COL15A1: variants seen among roughly 807,000 people sequenced by gnomAD.
COL15A1 encodes collagen alpha-1(XV) chain.
In COL15A1, 111 loss-of-function variants were observed where a neutral mutation model predicts 165.9. That is an observed-to-expected ratio of 0.67 (90% CI 0.57 to 0.78). COL15A1 has a LOEUF of 0.78. Ranked by LOEUF, COL15A1 falls within the 30% of genes least tolerant of loss-of-function variation. The pLI is 0.00. For synonymous variants in COL15A1, 659 were observed against 674.8 expected (o/e 0.98, Z 0.36); for missense variants, 1,745 against 1,789.7 (o/e 0.98, Z 0.45).
At chr9:99,015,634 C>A in intron 10 of COL15A1, 68 bp downstream of exon 10, 2 of 1,493,518 alleles carry the variant, frequency 1.3e-6, no homozygotes, top group South Asian at 2.3e-5. Flanking sequence ...CGACAACAGT[C>A]ATCCTTGGCC....
Position 99,047,984 on chromosome 9 carries a change from C to T in COL15A1, c.2777C>T (p.Pro926Leu). The change falls in exon 28 of 42, where the codon CCA (proline) becomes CTA (leucine). Residue 926 changes from proline (P) to leucine (L), a missense_variant. Physicochemically the swap from Pro to Leu is moderately conservative, Grantham distance 98 (BLOSUM62 -3). Coordinates refer to ENST00000375001, the MANE Select transcript of COL15A1 (RefSeq NM_001855.5). ...LNGLKGTKGD[P>L]GVIMQGPPGL... Reference sequence around the variant, plus strand: ...GGCCTCAAGGGTACCAAAGGAGATCCAGGGGTCATTATGCAGGTGAGTCAC... The same window carrying T: ...GGCCTCAAGGGTACCAAAGGAGATCTAGGGGTCATTATGCAGGTGAGTCAC... The T allele has an allele frequency of 6.3e-7, 1 of 1,587,244 alleles. No homozygotes were observed. Among genetic ancestry groups the T allele is most frequent in the Non-Finnish European group, 8.6e-7 (1 of 1,162,270 alleles).
At chr9:98,961,451 A>T (rs1409385668) in intron 2 of COL15A1, among the ~76,000 whole-genome samples, 1 of 152,178 alleles carries the variant, frequency 6.6e-6, no homozygotes, top group African/African-American at 2.4e-5. Flanking sequence ...CTGAGGGGTG[A>T]ACAGATTTAG....
intron 32 of COL15A1, 46 bp downstream of exon 32, chr9:99,054,702 TGA>T: frequency 6.4e-7 from 1 of 1,572,266 alleles, no homozygotes; most frequent in Non-Finnish European, 8.6e-7. Flanking sequence ...TTTTTGCTCC[TGA>T]GAACAAATGC....
intron 14 of COL15A1, among the ~76,000 whole-genome samples, chr9:99,023,736 C>T (rs564725702): frequency 6.6e-6 from 1 of 152,326 alleles, no homozygotes; most frequent in East Asian, 1.9e-4. Flanking sequence ...GCAGGCTGCC[C>T]TGCAGCAGGT....
At chr9:98,977,900 G>C (rs1838166831) in intron 2 of COL15A1, among the ~76,000 whole-genome samples, 1 of 152,238 alleles carries the variant, frequency 6.6e-6, no homozygotes, top group African/African-American at 2.4e-5. Flanking sequence ...AAAGGGCAAA[G>C]GAGGGGTCTC....
Position 99,015,503 on chromosome 9 carries a change from G to A in COL15A1, c.1440G>A (p.Gly480=), listed in dbSNP as rs1838914686. Reference sequence around the variant, plus strand: ...CTTTTGAGGATGAGGAAGCCAGTGGGGTCCCCACAGATGGCCTGGCTCCCC... The same window carrying A: ...CTTTTGAGGATGAGGAAGCCAGTGGAGTCCCCACAGATGGCCTGGCTCCCC... ...LSTFEDEEAS[G]VPTDGLAPLT... is the part of the protein sequence containing the mutation. The change falls in exon 10 of 42, where the codon GGG becomes GGA. Residue 480 remains glycine (G), a synonymous_variant. Transcript: ENST00000375001. 6.2e-7 allele frequency: 1 copy of A among 1,613,372 alleles called. No individual in the cohort carries two copies. The highest frequency in any genetic ancestry group is 1.3e-5 in the African/African-American group (1 of 74,918).
At chr9:98,991,521 T>G (rs1262690544) in intron 5 of COL15A1, among the ~76,000 whole-genome samples, 1 of 152,194 alleles carries the variant, frequency 6.6e-6, no homozygotes, top group Non-Finnish European at 1.5e-5. Context: ...AACCTTGAGC[T>G]AGATACAGAG....
intron 9 of COL15A1, among the ~76,000 whole-genome samples, chr9:99,005,451 C>T (rs990501595): frequency 1.3e-5 from 2 of 152,244 alleles, no homozygotes; most frequent in Admixed American, 6.5e-5. Flanking sequence ...CCTCGTGCAG[C>T]GCACAGACAC....
intron 9 of COL15A1, among the ~76,000 whole-genome samples, chr9:99,006,425 C>T (rs529737850): frequency 4.4e-4 from 67 of 152,344 alleles, no homozygotes; most frequent in South Asian, 1.4e-3. Context: ...TCAACAACGC[C>T]GGCCTTTGAT....
chr9:99,059,866 T>TTC, intron 35 of COL15A1, 23 bp from the exon 36 acceptor site: 2 of 1,612,108 alleles, frequency 1.2e-6, no homozygotes, highest in Non-Finnish European at 8.5e-7. Context: ...TTTGTGTAAC[T>TTC]TCTCTTTTCT....
intron 4 of COL15A1, 147 bp from the exon 5 acceptor site, chr9:98,989,026 ACACAC>A: frequency 3.0e-6 from 1 of 338,052 alleles, no homozygotes; most frequent in Non-Finnish European, 5.6e-6. Context: ...TCTCATAGAC[ACACAC>A]ACACACACAC....
intron 2 of COL15A1, among the ~76,000 whole-genome samples, chr9:98,975,595 C>T (rs530741757): frequency 6.6e-6 from 1 of 152,210 alleles, no homozygotes; most frequent in African/African-American, 2.4e-5. Context: ...TGGCTTTGGA[C>T]CCTTGGGAGG....
At chr9:99,066,547 C>T (rs1191316456) in intron 39 of COL15A1, among the ~76,000 whole-genome samples, 1 of 148,030 alleles carries the variant, frequency 6.8e-6, no homozygotes, top group Non-Finnish European at 1.5e-5. Context: ...AGGTGGATTC[C>T]GAGATTCAGA....
At chr9:99,008,851 C>T (rs1838803400) in intron 9 of COL15A1, among the ~76,000 whole-genome samples, 2 of 152,130 alleles carry the variant, frequency 1.3e-5, no homozygotes, top group African/African-American at 4.8e-5. Context: ...CTCAGATGAT[C>T]CACCTGCCTC....
chr9:99,024,888 C>T lies in COL15A1; in HGVS notation c.1869C>T (p.Pro623=), dbSNP rs759057490. The change falls in exon 15 of 42, where the codon CCC becomes CCT. Residue 623 remains proline (P), a synonymous_variant. Transcript: ENST00000375001. ...TGTGTTTTTAGGGTCCTCCAGGACC[C>T]CCAGGGCCACCTGGCTTACCTGGGA... The part of the protein sequence containing the change: ...SEQLLRGPPG[P]PGPPGLPGIP... 2.5e-6 allele frequency: 4 copies of T among 1,613,802 alleles called. No individual in the cohort carries two copies. Among genetic ancestry groups the T allele is most frequent in the African/African-American group, 1.3e-5 (1 of 74,932 alleles).
In COL15A1 at chr9:98,986,008, C is replaced by A. The variant is rs748128818; in HGVS notation, c.544C>A (p.His182Asn). Residue 182 changes from histidine (H) to asparagine (N), a missense_variant, in exon 3 of 42, where the codon CAC becomes AAC. Coordinates refer to ENST00000375001, the MANE Select transcript of COL15A1 (RefSeq NM_001855.5). ...GACCCTCCTCGTGAACTGTGAGGAG[C>A]ACAGCCGCATCCCCTTCCAGCGGTC... is the stretch of plus-strand genomic sequence containing the variant. ...EVTLLVNCEE[H>N]SRIPFQRSSQ... 1 of 1,614,142 alleles carries A rather than the reference C, an allele frequency of 6.2e-7. No homozygotes were observed. Among genetic ancestry groups the A allele is most frequent in the Non-Finnish European group, 8.5e-7 (1 of 1,180,006 alleles).
At chr9:98,970,148 G>A (rs1000681014) in intron 2 of COL15A1, among the ~76,000 whole-genome samples, 8 of 151,720 alleles carry the variant, frequency 5.3e-5, no homozygotes. Context: ...CATAGTAAGG[G>A]CTCCGTATAC....
In COL15A1 at chr9:98,987,338, C is replaced by T. The variant is rs534707257; in HGVS notation, c.693C>T (p.Pro231=). ...CCGTGCACCCCGACCCCAGGACTCC[C>T]GAGGAGCTGTGTGACCCTGAAGAGT... ...QLTVHPDPRT[P]EELCDPEESS... is the part of the protein sequence containing the mutation. Residue 231 remains proline, a synonymous_variant, in exon 4 of 42, where the codon CCC becomes CCT. Coordinates refer to ENST00000375001, the MANE Select transcript of COL15A1 (RefSeq NM_001855.5). 113 of 1,613,432 alleles carry T rather than the reference C, an allele frequency of 7.0e-5. 2 individuals are homozygous for T. In the South Asian group the frequency reaches 1.0e-3, roughly 14 times the overall value.
intron 2 of COL15A1, among the ~76,000 whole-genome samples, chr9:98,948,972 C>T (rs1347038102): frequency 2.6e-5 from 4 of 152,314 alleles, no homozygotes; most frequent in Admixed American, 2.0e-4. Context: ...CCCAGAAGGT[C>T]TCCTAAACCC....
Sources: gnomAD v4.1 joint callset for allele counts (sites outside exome capture counted in the v4.1 genomes callset) on GRCh38, gnomAD v4.1.1 for gene constraint, MANE v1.5 for transcripts, NCBI Gene and HGNC (gene_info 2026-07-23, HGNC 2026-07-21) for gene names.